DCAF6: variants seen among roughly 807,000 people sequenced by gnomAD.
The protein encoded by DCAF6 is DDB1- and CUL4-associated factor 6.
Under a neutral mutation model 125.1 loss-of-function variants are expected in DCAF6, and 54 were observed. That is an observed-to-expected ratio of 0.43 (90% confidence interval 0.35 to 0.54). The LOEUF (loss-of-function observed/expected upper bound fraction) is 0.54, where lower values mean the gene tolerates loss of function less well. DCAF6 is among the 20% of genes least tolerant of loss of function. DCAF6 has a pLI of 0.01. For missense variants in DCAF6, 934 were observed against 1,161.7 expected, an observed-to-expected ratio of 0.80 and a Z score of 2.85; for synonymous variants, 371 against 390.4, an observed-to-expected ratio of 0.95 and a Z score of 0.58.
At chr1:167,951,421 A>G (rs914436877) in intron 1 of DCAF6, among the ~76,000 whole-genome samples, 2 of 152,166 alleles carry the variant, frequency 1.3e-5, no homozygotes, top group Non-Finnish European at 2.9e-5. Context: ...CTAAAAATAC[A>G]AAAGTTAGCT....
At chr1:167,941,622 A>T (rs980833301) in intron 1 of DCAF6, among the ~76,000 whole-genome samples, 2 of 152,152 alleles carry the variant, frequency 1.3e-5, no homozygotes, top group African/African-American at 4.8e-5. Flanking sequence ...GTACGCACTA[A>T]TGAGTCTCAG....
At chr1:167,969,372 G>T (rs1676950062) in intron 3 of DCAF6, 1 of 152,084 alleles carries the variant, frequency 6.6e-6, no homozygotes, top group Non-Finnish European at 1.5e-5. Flanking sequence ...AATGCTTCAT[G>T]ATATACAATT....
At chr1:167,986,765 C>G (rs1322839506) in intron 4 of DCAF6, among the ~76,000 whole-genome samples, 2 of 152,314 alleles carry the variant, frequency 1.3e-5, no homozygotes, top group Non-Finnish European at 2.9e-5. Flanking sequence ...CTGCTCACTT[C>G]CTAACAGGCT....
At chr1:167,989,079 C>CAAACA (rs141583609) in intron 5 of DCAF6, among the ~76,000 whole-genome samples, 13 of 151,948 alleles carry the variant, frequency 8.6e-5, no homozygotes, top group South Asian at 2.1e-4. Flanking sequence ...GACTCCATCT[C>CAAACA]AAACAAAACA....
intron 16 of DCAF6, among the ~76,000 whole-genome samples, 164 bp downstream of exon 16, chr1:168,045,391 C>T (rs1018651428): frequency 3.9e-5 from 6 of 152,096 alleles, no homozygotes; most frequent in Admixed American, 6.6e-5. Flanking sequence ...AATGATTTTA[C>T]GTATTATATT....
intron 2 of DCAF6, among the ~76,000 whole-genome samples, chr1:167,958,383 C>G (rs1348765973): frequency 6.6e-6 from 1 of 150,658 alleles, no homozygotes; most frequent in Non-Finnish European, 1.5e-5. Context: ...TGTCTCAGCA[C>G]CATTTGGTGA....
chr1:167,904,086 T>A, the DCAF6 span: 2 of 486,872 alleles, frequency 4.1e-6, no homozygotes, highest in Non-Finnish European at 7.1e-6. Context: ...CCTCAGCTTT[T>A]TTTTTTTTTT....
chr1:167,884,087 A>T, the DCAF6 span, among the ~76,000 whole-genome samples: 2,302 of 152,312 alleles, frequency 0.015, 61 homozygotes, highest in African/African-American at 0.053. Flanking sequence ...TCAAGCATTT[A>T]TCCTTTGTGT....
the DCAF6 span, among the ~76,000 whole-genome samples, chr1:167,883,060 C>A: frequency 1.3e-5 from 2 of 152,176 alleles, no homozygotes; most frequent in Non-Finnish European, 2.9e-5. Flanking sequence ...TTAGTTGAGA[C>A]GGAGTCTCAC....
At chr1:167,925,434 CATATACACATATATATATATAT>C in the DCAF6 span, among the ~76,000 whole-genome samples, 4 of 72,746 alleles carry the variant, frequency 5.5e-5, 1 homozygote, top group Non-Finnish European at 8.0e-5. Context: ...TACAGATATA[CATATACACATATATATATATAT>C]ATATATATAT....
At chr1:167,881,720 T>C in the DCAF6 span, among the ~76,000 whole-genome samples, 1 of 152,206 alleles carries the variant, frequency 6.6e-6, no homozygotes, top group African/African-American at 2.4e-5. Context: ...CTATCCCCAT[T>C]CAAAGAGGAA....
chr1:167,912,329 C>T, the DCAF6 span, among the ~76,000 whole-genome samples: 1 of 152,182 alleles, frequency 6.6e-6, no homozygotes, highest in African/African-American at 2.4e-5. Context: ...AAATGAAGGC[C>T]ATTAGAAACA....
intron 17 of DCAF6, among the ~76,000 whole-genome samples, chr1:168,056,706 AG>A (rs1420660413): frequency 1.3e-5 from 2 of 152,232 alleles, no homozygotes; most frequent in Admixed American, 6.5e-5. Context: ...GAAGACTTGC[AG>A]CAAGAAACCT....
chr1:168,067,851 A>T (rs749162405), intron 20 of DCAF6, among the ~76,000 whole-genome samples: 5 of 152,094 alleles, frequency 3.3e-5, no homozygotes, highest in Non-Finnish European at 2.9e-5. Context: ...CGAGTATTCA[A>T]GTAATCCTAT....
At chr1:167,897,865 G>A in the DCAF6 span, among the ~76,000 whole-genome samples, 28 of 18,352 alleles carry the variant, frequency 1.5e-3, no homozygotes, top group Admixed American at 0.016. Flanking sequence ...GCGTACTGGC[G>A]GGCGCCTGTA....
the DCAF6 span, among the ~76,000 whole-genome samples, chr1:167,910,072 T>C: frequency 1.3e-5 from 2 of 152,206 alleles, no homozygotes; most frequent in African/African-American, 2.4e-5. Flanking sequence ...AACTGTTTCT[T>C]TGGGGACCTC....
intron 10 of DCAF6, among the ~76,000 whole-genome samples, chr1:168,012,325 C>A (rs1379033482): frequency 6.6e-6 from 1 of 152,166 alleles, no homozygotes; most frequent in Non-Finnish European, 1.5e-5. Flanking sequence ...GGAATTAAGT[C>A]ATTAGGAGAA....
the DCAF6 span, among the ~76,000 whole-genome samples, chr1:167,904,454 G>A: frequency 1.3e-5 from 2 of 152,084 alleles, no homozygotes; most frequent in East Asian, 1.9e-4. Flanking sequence ...TGTCAGACAT[G>A]CAGCCTCCTC....
intron 2 of DCAF6, among the ~76,000 whole-genome samples, chr1:167,961,456 A>T (rs1261866399): frequency 6.6e-6 from 1 of 151,910 alleles, no homozygotes; most frequent in Non-Finnish European, 1.5e-5. Flanking sequence ...GTTAGCCAGG[A>T]TGTCTTGATC....
Sources: allele counts gnomAD v4.1 joint callset (sites outside exome capture counted in the v4.1 genomes callset), GRCh38; gene constraint gnomAD v4.1.1; transcripts MANE v1.5; gene names NCBI Gene and HGNC (gene_info 2026-07-23, HGNC 2026-07-21).